The following MAP2K1 variants were observed in gnomAD, a reference collection of about 807,000 sequenced individuals.
The protein encoded by MAP2K1 is dual specificity mitogen-activated protein kinase kinase 1.
In MAP2K1, 16 loss-of-function variants were observed where a neutral mutation model predicts 46.3. That is an observed-to-expected ratio of 0.35 (90% CI 0.23 to 0.52). MAP2K1 has a LOEUF of 0.52. Ranked by LOEUF, MAP2K1 falls within the 20% of genes least tolerant of loss-of-function variation. The probability of loss-of-function intolerance (pLI) is 0.94; values close to 1 mark genes in which losing one functional copy is unlikely to be tolerated. For missense variants in MAP2K1, 263 were observed against 497.1 expected, an observed-to-expected ratio of 0.53 and a Z score of 4.48; for synonymous variants, 183 against 185.6, an observed-to-expected ratio of 0.99 and a Z score of 0.11.
intron 5 of MAP2K1, among the ~76,000 whole-genome samples, chr15:66,448,870 G>A (rs1321331591): frequency 1.3e-5 from 2 of 151,956 alleles, no homozygotes; most frequent in East Asian, 3.9e-4. Flanking sequence ...TGGGCGTGGT[G>A]GCGGATGCCT....
chr15:66,420,715 A>G (rs1220574166), intron 1 of MAP2K1, among the ~76,000 whole-genome samples: 2 of 33,990 alleles, frequency 5.9e-5, no homozygotes, highest in Non-Finnish European at 1.3e-4. Context: ...GCATATATAT[A>G]TATATATGTG....
In MAP2K1 at chr15:66,474,752, C is replaced by T. The variant is rs944976977; in HGVS notation, c.569-7003C>T. 3.2e-4 allele frequency among the ~76,000 whole-genome samples: 49 copies of T among 152,058 alleles called. 1 individual carries two copies. Among genetic ancestry groups the T allele is most frequent in the Admixed American group, 3.1e-3 (48 of 15,256 alleles). ...TCCTATTCTAGGCCTCAGTGTTTCT[C>T]ATCTGTGTGCAATGGTTTATAATGC... On this transcript the variant is annotated intron_variant, in intron 5 of 10. Coordinates refer to ENST00000307102, the MANE Select transcript of MAP2K1 (RefSeq NM_002755.4).
intron 5 of MAP2K1, among the ~76,000 whole-genome samples, chr15:66,454,776 G>A (rs569503686): frequency 1.1e-4 from 17 of 152,134 alleles, no homozygotes; most frequent in Admixed American, 5.2e-4. Flanking sequence ...CCAGCTGCTC[G>A]GGAGGCTGAG....
chr15:66,390,245 TAGCACTAATG>T (rs1307397180), intron 1 of MAP2K1, among the ~76,000 whole-genome samples: 2 of 152,194 alleles, frequency 1.3e-5, no homozygotes, highest in African/African-American at 4.8e-5. Flanking sequence ...CTGTGTTTCA[TAGCACTAATG>T]AGAGGGAAAG....
At chr15:66,419,532 A>T (rs1338619563) in intron 1 of MAP2K1, among the ~76,000 whole-genome samples, 1 of 152,036 alleles carries the variant, frequency 6.6e-6, no homozygotes, top group African/African-American at 2.4e-5. Context: ...AAAAAAAAAA[A>T]ATTTCATATG....
chr15:66,419,761 G>A (rs1344220152), intron 1 of MAP2K1, among the ~76,000 whole-genome samples: 1 of 152,028 alleles, frequency 6.6e-6, no homozygotes, highest in Non-Finnish European at 1.5e-5. Flanking sequence ...TTGTGGGAAG[G>A]TAATTTATGT....
chr15:66,420,731 G>A (rs375057305), intron 1 of MAP2K1, among the ~76,000 whole-genome samples: 11,709 of 28,124 alleles, frequency 0.42, 3,032 homozygotes, highest in South Asian at 0.51. Context: ...ATGTGTGTGT[G>A]TGTGTGTGTG....
chr15:66,447,222 T>A (rs1473080788), intron 5 of MAP2K1, among the ~76,000 whole-genome samples: 1 of 152,090 alleles, frequency 6.6e-6, no homozygotes, highest in Admixed American at 6.6e-5. Context: ...TTTTTTTTTT[T>A]TTGACGTCCC....
At position 66,387,211 on chromosome 15, in the gene MAP2K1, G is replaced by T; in HGVS notation, c.-137G>T. On this transcript the variant is annotated 5_prime_UTR_variant, in exon 1 of 11. Coordinates refer to ENST00000307102, the MANE Select transcript of MAP2K1 (RefSeq NM_002755.4). ...CCTCGGCGCTGACGGGACCGCGCGGGGCGCACCCGCTGAAGGCAGCCCCGG... is the reference window on the plus strand; with the variant it reads ...CCTCGGCGCTGACGGGACCGCGCGGTGCGCACCCGCTGAAGGCAGCCCCGG... 1 of 636,374 alleles carries T rather than the reference G, an allele frequency of 1.6e-6. No homozygotes were observed. Among genetic ancestry groups the T allele is most frequent in the South Asian group, 2.3e-5 (1 of 44,124 alleles). 39.4% of individuals were successfully genotyped at this position (636,374 alleles called of 1,614,324 possible). A position where few individuals can be genotyped will look rare whatever the true frequency, so the allele number is the denominator to read the frequency against.
chr15:66,488,363 T>A (rs781331208), intron 8 of MAP2K1, among the ~76,000 whole-genome samples: 19 of 152,220 alleles, frequency 1.2e-4, no homozygotes, highest in Admixed American at 1.2e-3. Flanking sequence ...AGCACTAGGT[T>A]GGGCTTTGTG....
intron 8 of MAP2K1, among the ~76,000 whole-genome samples, chr15:66,488,096 G>T (rs181408980): frequency 6.6e-6 from 1 of 150,596 alleles, no homozygotes; most frequent in East Asian, 1.9e-4. Context: ...CTCCTAGGAG[G>T]CTTGGCTGCA....
At chr15:66,392,348 TTTGA>T (rs1328422608) in intron 1 of MAP2K1, among the ~76,000 whole-genome samples, 1 of 142,600 alleles carries the variant, frequency 7.0e-6, no homozygotes, top group East Asian at 2.2e-4. Flanking sequence ...CCTGCTAAGT[TTTGA>T]TTGTTTTGTA....
chr15:66,444,599 T>C lies in MAP2K1; in HGVS notation c.517-57T>C, dbSNP rs879902507. 7.7e-6 allele frequency: 9 copies of C among 1,170,736 alleles called. No homozygotes were observed. In the Admixed American group the frequency reaches 1.5e-4, roughly 20 times the overall value. The allele number at this position is 1,170,736 out of a possible 1,614,324, so 72.5% of individuals were successfully genotyped here. On this transcript the variant is annotated intron_variant, in intron 4 of 10. Transcript: ENST00000307102. Reference sequence around the variant, plus strand: ...TTTTCCTAGAGTATTTTAAAATAGATTGAGTATTTTTCTTATCACCAGTAT... The same window carrying C: ...TTTTCCTAGAGTATTTTAAAATAGACTGAGTATTTTTCTTATCACCAGTAT...
chr15:66,415,200 C>G, intron 1 of MAP2K1: 3 of 503,866 alleles, frequency 6.0e-6, no homozygotes, highest in Non-Finnish European at 1.2e-5. Flanking sequence ...CTGATGCCAT[C>G]TTGGAGTCCT....
At position 66,387,278 on chromosome 15, in the gene MAP2K1, C is replaced by A; in HGVS notation, c.-70C>A. On this transcript the variant is annotated 5_prime_UTR_variant, in exon 1 of 11. Coordinates refer to ENST00000307102, the MANE Select transcript of MAP2K1 (RefSeq NM_002755.4). The stretch of plus-strand genomic sequence containing the variant: ...TTGGTCCTGCGCAGCGGGCGCGGGG[C>A]AGCGCAGCGGGAGGAAGCGAGAGGT... 1 of 1,344,162 alleles carries A rather than the reference C, an allele frequency of 7.4e-7. No individual in the cohort carries two copies. The highest frequency in any genetic ancestry group is 1.0e-6 in the Non-Finnish European group (1 of 960,724). The allele number at this position is 1,344,162 out of a possible 1,614,324, so 83.3% of individuals were successfully genotyped here. A position where few individuals can be genotyped will look rare whatever the true frequency, so the allele number is the denominator to read the frequency against.
At chr15:66,456,500 G>C (rs1007323023) in intron 5 of MAP2K1, among the ~76,000 whole-genome samples, 1 of 152,210 alleles carries the variant, frequency 6.6e-6, no homozygotes, top group African/African-American at 2.4e-5. Context: ...TCTCAGCTTT[G>C]CTCATTCTTG....
intron 5 of MAP2K1, among the ~76,000 whole-genome samples, chr15:66,458,890 T>C (rs1252916803): frequency 6.6e-6 from 1 of 152,136 alleles, no homozygotes; most frequent in African/African-American, 2.4e-5. Flanking sequence ...CATAGTAGCT[T>C]ATTATACCTT....
chr15:66,392,254 GGTTTTTTTTT>G lies in MAP2K1; in HGVS notation c.80+4828_80+4837del, dbSNP rs1381615026. On this transcript the variant is annotated intron_variant, in intron 1 of 10. Coordinates refer to ENST00000307102, the MANE Select transcript of MAP2K1 (RefSeq NM_002755.4). ...CACGAATATTTGTGTGTTTTTTTTG[GGTTTTTTTTT>G]TTTTTTTTTTTTTTTAAGAAAGGGT... Among the ~76,000 whole-genome samples the G allele has an allele frequency of 4.0e-3, 316 of 79,688 alleles. 3 individuals are homozygous for G. Among genetic ancestry groups the G allele is most frequent in the African/African-American group, 0.013 (284 of 21,478 alleles). 52.3% of individuals were successfully genotyped at this position (79,688 alleles called of 152,430 possible). A position where few individuals can be genotyped will look rare whatever the true frequency, so the allele number is the denominator to read the frequency against.
intron 5 of MAP2K1, among the ~76,000 whole-genome samples, chr15:66,445,747 G>A (rs1389761273): frequency 6.6e-6 from 1 of 152,216 alleles, no homozygotes; most frequent in Non-Finnish European, 1.5e-5. Context: ...TTCCATTTAT[G>A]TGAAATTAGA....
Sources: allele counts gnomAD v4.1 joint callset (sites outside exome capture counted in the v4.1 genomes callset), GRCh38; gene constraint gnomAD v4.1.1; transcripts MANE v1.5; gene names NCBI Gene and HGNC (gene_info 2026-07-23, HGNC 2026-07-21).